MYO9B: variants seen among roughly 807,000 people sequenced by gnomAD.
MYO9B encodes the protein myosin IXB, also known as unconventional myosin-IXb.
In MYO9B, 71 loss-of-function variants were observed where a neutral mutation model predicts 229.5. The observed-to-expected ratio is 0.31, with a 90% CI of 0.26 to 0.38. MYO9B has a LOEUF of 0.38. Ranked by LOEUF, MYO9B falls within the 10% of genes least tolerant of loss-of-function variation. The probability of loss-of-function intolerance (pLI) is 1.00; values close to 1 mark genes in which losing one functional copy is unlikely to be tolerated. For missense variants in MYO9B, 2,255 were observed against 2,920.5 expected, an observed-to-expected ratio of 0.77 and a Z score of 5.25; for synonymous variants, 1,185 against 1,235.8, an observed-to-expected ratio of 0.96 and a Z score of 0.86.
At chr19:17,156,652 G>C (rs1001132097) in intron 6 of MYO9B, among the ~76,000 whole-genome samples, 2 of 152,208 alleles carry the variant, frequency 1.3e-5, no homozygotes, top group African/African-American at 4.8e-5. Context: ...AGGAGTTGGA[G>C]GTTACAGTGA....
At chr19:17,116,322 C>T (rs1419970610) in intron 2 of MYO9B, among the ~76,000 whole-genome samples, 1 of 152,216 alleles carries the variant, frequency 6.6e-6, no homozygotes, top group Non-Finnish European at 1.5e-5. Context: ...CCCTTCCTCA[C>T]TGTAGCTGAC....
At chr19:17,085,124 T>C (rs530602591) in intron 1 of MYO9B, among the ~76,000 whole-genome samples, 25 of 152,226 alleles carry the variant, frequency 1.6e-4, no homozygotes, top group African/African-American at 5.8e-4. Context: ...AGGGATGAGC[T>C]TCAAGGGGAG....
chr19:17,124,451 CT>C (rs540412316), intron 2 of MYO9B, among the ~76,000 whole-genome samples: 1 of 152,130 alleles, frequency 6.6e-6, no homozygotes, highest in Admixed American at 6.5e-5. Flanking sequence ...TTAAAGTAAA[CT>C]TATATTGAGC....
rs145881668 is a variant in MYO9B, at chr19:17,210,420, G to A, written c.5796+40G>A. 7.1e-4 allele frequency: 1,096 copies of A among 1,546,822 alleles called. 10 individuals carry two copies. The East Asian group carries it at 0.018, about 25-fold the overall frequency. On this transcript the variant is annotated intron_variant, in intron 37 of 39. Coordinates refer to ENST00000682292, the MANE Select transcript of MYO9B (RefSeq NM_004145.4). Reference sequence around the variant, plus strand: ...GGTGGGCCCGCGGTGCATGTCTCCCGGTGCAGTGCATGCTGGGGTTCCCTG... The same window carrying A: ...GGTGGGCCCGCGGTGCATGTCTCCCAGTGCAGTGCATGCTGGGGTTCCCTG...
chr19:17,128,872 G>A (rs1162244914), intron 2 of MYO9B, among the ~76,000 whole-genome samples: 1 of 152,220 alleles, frequency 6.6e-6, no homozygotes, highest in Non-Finnish European at 1.5e-5. Flanking sequence ...AAACCAAAAA[G>A]CAAGGGGACA....
chr19:17,212,528 A>G lies in MYO9B; in HGVS notation c.*218A>G. On this transcript the variant is annotated 3_prime_UTR_variant, in exon 40 of 40. Transcript: ENST00000682292. This position sits in a 1 kb window ranked among gnomAD's most constrained non-coding sequence, Gnocchi z 5.4. The stretch of plus-strand genomic sequence containing the variant: ...CACGCAGCCCCCAAATCATGGACGC[A>G]CCTGTGGGGAGCACCACATCTCCAC... The G allele has an allele frequency of 2.0e-6, 1 of 488,886 alleles. No homozygotes were observed. Among genetic ancestry groups the G allele is most frequent in the East Asian group, 3.4e-5 (1 of 29,486 alleles). The allele number at this position is 488,886 out of a possible 1,614,324, so 30.3% of individuals were successfully genotyped here. A position where few individuals can be genotyped will look rare whatever the true frequency, so the allele number is the denominator to read the frequency against.
intron 1 of MYO9B, among the ~76,000 whole-genome samples, chr19:17,097,057 A>G (rs1308174482): frequency 6.6e-6 from 1 of 151,806 alleles, no homozygotes; most frequent in African/African-American, 2.4e-5. Context: ...AAATCCCAGC[A>G]CTTTGGGAGG....
In MYO9B at chr19:17,194,959, C is replaced by A. The variant is rs1412747545; in HGVS notation, c.3532C>A (p.Pro1178Thr). ...CAAGGAGGAGAGTGCCCTCAGAGAA[C>A]CTTCCAGAAGGGTCACCCAGGAGCA... Reference protein sequence around the residue: ...SCKEESALREPSRRVTQEQGV... With the variant: ...SCKEESALRETSRRVTQEQGV... Residue 1178 changes from proline (P) to threonine (T), a missense_variant, in exon 22 of 40, where the codon CCT becomes ACT. Physicochemically the swap from Pro to Thr is conservative, Grantham distance 38 (BLOSUM62 -1). Transcript: ENST00000682292. The A allele has an allele frequency of 1.2e-6, 2 of 1,613,380 alleles. No individual in the cohort carries two copies. The highest frequency in any genetic ancestry group is 3.3e-5 in the Admixed American group (2 of 60,020).
intron 15 of MYO9B, 67 bp downstream of exon 15, chr19:17,181,107 G>C (rs560416079): frequency 1.0e-5 from 12 of 1,146,964 alleles, no homozygotes; most frequent in African/African-American, 9.3e-5. Flanking sequence ...TGCGACCCCG[G>C]CGGGGCCTGC....
chr19:17,131,126 A>C (rs1383501690), intron 2 of MYO9B, among the ~76,000 whole-genome samples: 2 of 151,948 alleles, frequency 1.3e-5, no homozygotes, highest in Non-Finnish European at 2.9e-5. Context: ...TTTTCCATCC[A>C]CTGACCCCCA....
intron 2 of MYO9B, among the ~76,000 whole-genome samples, chr19:17,145,142 A>G (rs2072393122): frequency 6.6e-6 from 1 of 151,894 alleles, no homozygotes; most frequent in Admixed American, 6.6e-5. Context: ...CCAGCATGGT[A>G]GCGCACATCT....
chr19:17,117,333 C>T (rs1346063718), intron 2 of MYO9B, among the ~76,000 whole-genome samples: 5 of 152,178 alleles, frequency 3.3e-5, no homozygotes, highest in Non-Finnish European at 5.9e-5. Flanking sequence ...AGTGCAGTTG[C>T]CACCTAAGGT....
chr19:17,093,878 T>C (rs2057663196), intron 1 of MYO9B, among the ~76,000 whole-genome samples: 1 of 151,320 alleles, frequency 6.6e-6, no homozygotes, highest in Admixed American at 6.6e-5. Flanking sequence ...TTTATTTATT[T>C]ATTTATTTAT....
rs1276273326 is a variant in MYO9B, at chr19:17,212,315, C to T, written c.*5C>T. The T allele has an allele frequency of 1.4e-6, 2 of 1,479,398 alleles. No individual in the cohort carries two copies. Among genetic ancestry groups the T allele is most frequent in the African/African-American group, 2.8e-5 (2 of 70,668 alleles). The allele number at this position is 1,479,398 out of a possible 1,614,324, so 91.6% of individuals were successfully genotyped here. A position where few individuals can be genotyped will look rare whatever the true frequency, so the allele number is the denominator to read the frequency against. ...TCGGGCCAGACCAATGGCTGAGAGC[C>T]ACAGCTGACAAAGTCTGCATGTCCG... On this transcript the variant is annotated 3_prime_UTR_variant, in exon 40 of 40. Coordinates refer to ENST00000682292, the MANE Select transcript of MYO9B (RefSeq NM_004145.4). The surrounding 1 kb of genome is among the most constrained non-coding windows in gnomAD (Gnocchi z 5.4).
At chr19:17,084,807 A>G (rs1333205178) in intron 1 of MYO9B, among the ~76,000 whole-genome samples, 1 of 151,980 alleles carries the variant, frequency 6.6e-6, no homozygotes, top group East Asian at 1.9e-4. Context: ...TGGGAGGCTG[A>G]GGCAAAACAA....
intron 28 of MYO9B, 135 bp from the exon 29 acceptor site, chr19:17,202,707 C>T (rs1451386319): frequency 1.3e-5 from 11 of 862,148 alleles, no homozygotes; most frequent in South Asian, 1.0e-4. Flanking sequence ...TGAATGGGGG[C>T]GTTAGGGACA....
intron 10 of MYO9B, among the ~76,000 whole-genome samples, chr19:17,166,318 C>T (rs945258302): frequency 2.6e-5 from 4 of 152,194 alleles, no homozygotes; most frequent in African/African-American, 7.2e-5. Context: ...GCTGGGATTA[C>T]AGGCGTGAGC....
Position 17,202,890 on chromosome 19 carries a change from A to G in MYO9B, c.4878+7A>G. ...GCGGAAGCAGGAGCGTGCTGTGAGT[A>G]GGCTGCACATAGATGAGAGTCCGAG... is the stretch of plus-strand genomic sequence containing the variant. On this transcript the variant is annotated splice_region_variant and intron_variant, in intron 29 of 39. Coordinates refer to ENST00000682292, the MANE Select transcript of MYO9B (RefSeq NM_004145.4). 6.3e-7 allele frequency: 1 copy of G among 1,599,990 alleles called. No homozygotes were observed.
chr19:17,206,948 G>A (rs940930446), intron 34 of MYO9B, 164 bp downstream of exon 34: 20 of 1,274,834 alleles, frequency 1.6e-5, no homozygotes, highest in African/African-American at 7.4e-5. Flanking sequence ...TGGGCCGCCC[G>A]GGTCCCTTGA....
Sources: allele counts gnomAD v4.1 joint callset (sites outside exome capture counted in the v4.1 genomes callset), GRCh38; gene constraint gnomAD v4.1.1; non-coding constraint Gnocchi (gnomAD v3.1); transcripts MANE v1.5; gene names NCBI Gene and HGNC (gene_info 2026-07-23, HGNC 2026-07-21).